Variants in ANKHD1 observed in about 807,000 individuals in gnomAD.
ANKHD1 encodes ankyrin repeat and KH domain-containing protein 1.
ANKHD1 carries 31 observed loss-of-function variants against 230.5 expected under a neutral mutation model. The observed-to-expected ratio is 0.13, with a 90% confidence interval of 0.10 to 0.18. ANKHD1 has a LOEUF of 0.18. ANKHD1 is among the 10% of genes least tolerant of loss of function. The pLI, the probability that ANKHD1 is intolerant of heterozygous loss-of-function variation, is 1.00. For missense variants in ANKHD1, 2,256 were observed against 3,071.3 expected (o/e 0.73, Z 6.27); for synonymous variants, 1,074 against 1,117.6 (o/e 0.96, Z 0.78).
chr5:140,485,950 CTT>C lies in ANKHD1; in HGVS notation c.2142+219_2142+220del. On this transcript the variant is annotated intron_variant, in intron 13 of 33. Coordinates refer to ENST00000360839, the MANE Select transcript of ANKHD1 (RefSeq NM_017747.3). This position sits in a 1 kb window ranked among gnomAD's most constrained non-coding sequence, Gnocchi z 4.8. ...TGAGAATAGTGGTTTTTAAAAACCACTTAATATCAAATATAAACGTAAGTATT... is the reference window on the plus strand; with the variant it reads ...TGAGAATAGTGGTTTTTAAAAACCACAATATCAAATATAAACGTAAGTATT... The C allele has an allele frequency of 1.7e-6, 1 of 585,090 alleles. No homozygotes were observed. Among genetic ancestry groups the C allele is most frequent in the Non-Finnish European group, 2.8e-6 (1 of 363,276 alleles). 36.2% of individuals were successfully genotyped at this position (585,090 alleles called of 1,614,324 possible). A position where few individuals can be genotyped will look rare whatever the true frequency, so the allele number is the denominator to read the frequency against.
chr5:140,413,133 G>A (rs1771075427), intron 1 of ANKHD1, among the ~76,000 whole-genome samples: 1 of 152,130 alleles, frequency 6.6e-6, no homozygotes, highest in Non-Finnish European at 1.5e-5. Flanking sequence ...GAACCAAAGA[G>A]TTAAACAAGA....
At chr5:140,481,979 A>G (rs1751297472) in intron 10 of ANKHD1, among the ~76,000 whole-genome samples, 1 of 152,012 alleles carries the variant, frequency 6.6e-6, no homozygotes, top group South Asian at 2.1e-4. Flanking sequence ...CTGTTTTATC[A>G]TTCATTCCTC....
chr5:140,509,511 G>A (rs1260606681), intron 20 of ANKHD1, 126 bp from the exon 21 acceptor site: 2 of 1,175,976 alleles, frequency 1.7e-6, no homozygotes, highest in Non-Finnish European at 2.2e-6. Flanking sequence ...GAGCTAATCA[G>A]AACTAGAATT....
rs552904003 is a variant in ANKHD1, at chr5:140,416,553, A to G, written c.306+14280A>G. Among the ~76,000 whole-genome samples, 27 of 152,308 alleles carry G rather than the reference A, an allele frequency of 1.8e-4. No individual in the cohort carries two copies. The South Asian group carries it at 4.4e-3, about 25-fold the overall frequency. On this transcript the variant is annotated intron_variant, in intron 1 of 33. Transcript: ENST00000360839. ...ACTCTCTGATCTATTCCATTGGTCT[A>G]TATGTCTGTCTCTTTGCCACCATCC... is the stretch of plus-strand genomic sequence containing the variant.
At position 140,459,438 on chromosome 5, in the gene ANKHD1, C is replaced by T. The variant is rs1426022544; in HGVS notation, c.1672+83C>T. On this transcript the variant is annotated intron_variant, in intron 9 of 33. Transcript: ENST00000360839. ...ATGTGGAATCTAAAAACGTTGAGCT[C>T]CTAGTAGATAATAGAATGGTGGTTA... is the stretch of plus-strand genomic sequence containing the variant. 9.9e-6 allele frequency: 14 copies of T among 1,409,260 alleles called. No homozygotes were observed. In the African/African-American group the frequency reaches 1.9e-4, roughly 19 times the overall value. The allele number at this position is 1,409,260 out of a possible 1,614,324, so 87.3% of individuals were successfully genotyped here. A position where few individuals can be genotyped will look rare whatever the true frequency, so the allele number is the denominator to read the frequency against.
At chr5:140,537,974 C>G (rs1333309551) in intron 31 of ANKHD1, 112 bp from the exon 32 acceptor site, 1 of 1,449,520 alleles carries the variant, frequency 6.9e-7, no homozygotes, top group Non-Finnish European at 9.1e-7. Context: ...GCTTTGAGCT[C>G]TTCAGAGGAA....
At chr5:140,537,685 A>G in intron 31 of ANKHD1, 96 bp downstream of exon 31, 1 of 1,442,134 alleles carries the variant, frequency 6.9e-7, no homozygotes, top group Non-Finnish European at 9.1e-7. Flanking sequence ...AACAAAAAAA[A>G]CTTAGTTCCT....
chr5:140,465,205 T>C, intron 10 of ANKHD1: 1 of 152,518 alleles, frequency 6.6e-6, no homozygotes, highest in East Asian at 1.9e-4. Flanking sequence ...GTATATAATG[T>C]GTAATTATCA....
At chr5:140,427,772 G>A (rs1233998751) in intron 1 of ANKHD1, among the ~76,000 whole-genome samples, 1 of 150,222 alleles carries the variant, frequency 6.7e-6, no homozygotes, top group Non-Finnish European at 1.5e-5. Flanking sequence ...CCGGGCGGGG[G>A]GCTGATCCCC....
In ANKHD1 at chr5:140,401,926, C is replaced by G; in HGVS notation, c.-42C>G. The G allele has an allele frequency of 6.5e-7, 1 of 1,531,344 alleles. No homozygotes were observed. Among genetic ancestry groups the G allele is most frequent in the East Asian group, 2.5e-5 (1 of 39,688 alleles). 94.9% of individuals were successfully genotyped at this position (1,531,344 alleles called of 1,614,324 possible). ...TTCCCGAGATCAGCGGCGGCGGTGACCGCGAGTGGGTCGGCACCGTCTCCG... is the reference window on the plus strand; with the variant it reads ...TTCCCGAGATCAGCGGCGGCGGTGAGCGCGAGTGGGTCGGCACCGTCTCCG... On this transcript the variant is annotated 5_prime_UTR_variant, in exon 1 of 34. Transcript: ENST00000360839.
intron 14 of ANKHD1, among the ~76,000 whole-genome samples, chr5:140,490,074 C>G (rs993606916): frequency 1.3e-5 from 2 of 152,038 alleles, no homozygotes. Context: ...CTTAAAGCTT[C>G]TCTTTTATGT....
Position 140,538,119 on chromosome 5 carries a change from G to T in ANKHD1, c.7262G>T (p.Gly2421Val). 6.2e-7 allele frequency: 1 copy of T among 1,613,334 alleles called. No homozygotes were observed. Among genetic ancestry groups the T allele is most frequent in the Non-Finnish European group, 8.5e-7 (1 of 1,179,692 alleles). The change falls in exon 32 of 34, where the codon GGG (glycine) becomes GTG (valine). Residue 2421 changes from glycine to valine, a missense_variant. By Grantham distance (109) the Gly-to-Val change is moderately radical. Coordinates refer to ENST00000360839, the MANE Select transcript of ANKHD1 (RefSeq NM_017747.3). ...GLSGWSQSVMGNHPMHQQLSD... is the reference protein window; with the variant it reads ...GLSGWSQSVMVNHPMHQQLSD... ...TCAGGTTGGTCGCAATCTGTGATGG[G>T]GAACCATCCAATGCATCAACAATTA... is the stretch of plus-strand genomic sequence containing the variant.
chr5:140,439,722 G>GA (rs201374052), intron 3 of ANKHD1, among the ~76,000 whole-genome samples: 205 of 144,272 alleles, frequency 1.4e-3, no homozygotes, highest in African/African-American at 4.7e-3. Flanking sequence ...TGAGCGAAAA[G>GA]AAAAAAAAAA....
In ANKHD1 at chr5:140,528,214, T is replaced by C. The variant is rs761050349; in HGVS notation, c.5268T>C (p.Val1756=). ...RGGTESTRYA[V]QLINALIQDP... is the part of the protein sequence containing the mutation. ...GCACAGAATCAACAAGATATGCAGT[T>C]CAACTAATCAATGCACTCATTCAAG... Residue 1756 remains valine (V), a synonymous_variant, in exon 29 of 34, where the codon GTT becomes GTC. Coordinates refer to ENST00000360839, the MANE Select transcript of ANKHD1 (RefSeq NM_017747.3). 3 of 1,612,604 alleles carry C rather than the reference T, an allele frequency of 1.9e-6. No homozygotes were observed. In the African/African-American group the frequency reaches 4.0e-5, roughly 22 times the overall value.
chr5:140,433,053 T>G (rs867942670), intron 1 of ANKHD1, among the ~76,000 whole-genome samples: 13 of 139,876 alleles, frequency 9.3e-5, no homozygotes, highest in East Asian at 6.8e-4. Flanking sequence ...CCCCACCCCC[T>G]TCCCCCCCCC....
intron 1 of ANKHD1, among the ~76,000 whole-genome samples, chr5:140,413,513 C>T (rs1236095469): frequency 3.9e-5 from 6 of 152,094 alleles, no homozygotes; most frequent in Admixed American, 1.3e-4. Context: ...TCTCCCTTCC[C>T]CCAACCCCTA....
chr5:140,529,463 C>A lies in ANKHD1; in HGVS notation c.6517C>A (p.Pro2173Thr). Residue 2173 changes from proline (P) to threonine (T), a missense_variant, in exon 29 of 34, where the codon CCA becomes ACA. By Grantham distance (38) the Pro-to-Thr change is conservative (BLOSUM62 -1). Transcript: ENST00000360839. ...NPVTLTPPQG[P>T]PAAVQLSSAV... ...AGTTACTTTAACACCACCTCAAGGCCCACCAGCTGCAGTGCAGCTTTCTTC... is the reference window on the plus strand; with the variant it reads ...AGTTACTTTAACACCACCTCAAGGCACACCAGCTGCAGTGCAGCTTTCTTC... The A allele has an allele frequency of 1.2e-6, 2 of 1,614,170 alleles. No individual in the cohort carries two copies. The highest frequency in any genetic ancestry group is 1.7e-6 in the Non-Finnish European group (2 of 1,180,040).
rs145328698 is a variant in ANKHD1 at position 140,466,175 on chromosome 5, T to C, written c.1782+1399T>C. 8.7e-4 allele frequency among the ~76,000 whole-genome samples: 133 copies of C among 152,214 alleles called. 1 individual carries two copies. The East Asian group carries it at 0.025, about 29-fold the overall frequency. ...GGGATGCCGAGGTGGGTGGATCACCTGAGGTCAGGTGTTAAAGACCAGCCG... is the reference window on the plus strand; with the variant it reads ...GGGATGCCGAGGTGGGTGGATCACCCGAGGTCAGGTGTTAAAGACCAGCCG... On this transcript the variant is annotated intron_variant, in intron 10 of 33. Transcript: ENST00000360839.
At chr5:140,409,199 C>T (rs1770723814) in intron 1 of ANKHD1, among the ~76,000 whole-genome samples, 1 of 152,148 alleles carries the variant, frequency 6.6e-6, no homozygotes, top group African/African-American at 2.4e-5. Context: ...CTTTTAATAG[C>T]ATTTCAGGAC....
Sources: gnomAD v4.1 joint callset for allele counts (sites outside exome capture counted in the v4.1 genomes callset) on GRCh38, gnomAD v4.1.1 for gene constraint, Gnocchi (gnomAD v3.1) non-coding constraint, MANE v1.5 for transcripts, NCBI Gene and HGNC (gene_info 2026-07-23, HGNC 2026-07-21) for gene names.